Variants in ZYG11A observed in about 807,000 individuals in gnomAD.
ZYG11A encodes the protein zyg-11 family member A, cell cycle regulator.
In ZYG11A, 62 loss-of-function variants were observed where a neutral mutation model predicts 77.2. The ratio of observed to expected loss-of-function variants is 0.80; its 90% CI spans 0.65 to 0.99. ZYG11A has a LOEUF of 0.99. Among genes scored for constraint, ZYG11A ranks in the 50% least tolerant of loss-of-function variants. The pLI is 0.00. For synonymous variants in ZYG11A, 315 were observed against 324.6 expected (o/e 0.97, Z 0.32); for missense variants, 828 against 896.8 (o/e 0.92, Z 0.98).
In ZYG11A at chr1:52,887,036, A is replaced by G. The variant is rs901313141; in HGVS notation, c.2087A>G (p.His696Arg). 2 of 1,534,346 alleles carry G rather than the reference A, an allele frequency of 1.3e-6. No homozygotes were observed. The highest frequency in any genetic ancestry group is 2.8e-5 in the African/African-American group (2 of 72,596). The change falls in exon 13 of 14, where the codon CAT becomes CGT. Residue 696 changes from histidine to arginine, a missense_variant. Coordinates refer to ENST00000371528, the MANE Select transcript of ZYG11A (RefSeq NM_001004339.3). ...CTCTGGGCACTATGGGCTATGTATC[A>G]TGTCTGCAGTAAAAATCGTATGTAT... ...VQLWALWAMY[H>R]VCSKNPSKYC...
At chr1:52,863,639 A>G (rs1645969231) in intron 4 of ZYG11A, among the ~76,000 whole-genome samples, 1 of 152,204 alleles carries the variant, frequency 6.6e-6, no homozygotes, top group African/African-American at 2.4e-5. Flanking sequence ...GCTTTATGCT[A>G]ACGAGTAGCT....
chr1:52,843,896 CA>C (rs1645509147), intron 1 of ZYG11A, among the ~76,000 whole-genome samples: 1 of 151,990 alleles, frequency 6.6e-6, no homozygotes, highest in African/African-American at 2.4e-5. Flanking sequence ...CCATGTTGGC[CA>C]GGATGGTTTC....
chr1:52,852,687 A>AT (rs747460177), intron 1 of ZYG11A, among the ~76,000 whole-genome samples: 24 of 152,136 alleles, frequency 1.6e-4, no homozygotes, highest in Admixed American at 4.6e-4. Context: ...GGAGAAAGGC[A>AT]TTTTTTGCCT....
chr1:52,881,788 A>G, intron 11 of ZYG11A, 123 bp downstream of exon 11: 1 of 721,620 alleles, frequency 1.4e-6, no homozygotes, highest in Non-Finnish European at 2.1e-6. Flanking sequence ...ACTTATTACT[A>G]ACCCATATCT....
rs1451851545 is a variant in ZYG11A at position 52,867,619 on chromosome 1, C to T, written c.1472C>T (p.Thr491Ile). The T allele has an allele frequency of 1.3e-6, 2 of 1,552,026 alleles. No homozygotes were observed. The highest frequency in any genetic ancestry group is 1.7e-6 in the Non-Finnish European group (2 of 1,147,032). The change falls in exon 7 of 14, where the codon ACC becomes ATC. Residue 491 changes from threonine to isoleucine, a missense_variant. Physicochemically the swap from Thr to Ile is moderately conservative, Grantham distance 89. Coordinates refer to ENST00000371528, the MANE Select transcript of ZYG11A (RefSeq NM_001004339.3). ...PKMQTMAVSV[T>I]SILALQLSPE... is the part of the protein sequence containing the mutation. The stretch of plus-strand genomic sequence containing the variant: ...ATGCAAACAATGGCAGTGAGTGTCA[C>T]CTCTATTCTGGCTCTGCAGGTTTGT...
Position 52,893,019 on chromosome 1 carries a change from A to G in ZYG11A, c.*62A>G. 2 of 1,422,826 alleles carry G rather than the reference A, an allele frequency of 1.4e-6. No homozygotes were observed. The highest frequency in any genetic ancestry group is 1.3e-5 in the South Asian group (1 of 76,642). The allele number at this position is 1,422,826 out of a possible 1,614,324, so 88.1% of individuals were successfully genotyped here. ...TGTCAGGTGTTCTGCCCTGGCAGTAATTGCACATCAGTTGTCATTGGAGTT... is the reference window on the plus strand; with the variant it reads ...TGTCAGGTGTTCTGCCCTGGCAGTAGTTGCACATCAGTTGTCATTGGAGTT... On this transcript the variant is annotated 3_prime_UTR_variant, in exon 14 of 14. Transcript: ENST00000371528.
At chr1:52,847,877 TTTA>T (rs1229096410) in intron 1 of ZYG11A, among the ~76,000 whole-genome samples, 44 of 48,640 alleles carry the variant, frequency 9.0e-4, no homozygotes, top group South Asian at 3.8e-3. Context: ...TATTTATTTA[TTTA>T]TTTTTTTGAG....
chr1:52,867,483 G>A, intron 6 of ZYG11A, 56 bp from the exon 7 acceptor site: 1 of 1,144,580 alleles, frequency 8.7e-7, no homozygotes, highest in Non-Finnish European at 1.3e-6. Context: ...GATTTCTTCT[G>A]TGTAGTTTCA....
At chr1:52,852,986 G>A (rs776174270) in intron 1 of ZYG11A, among the ~76,000 whole-genome samples, 1 of 152,226 alleles carries the variant, frequency 6.6e-6, no homozygotes, top group Non-Finnish European at 1.5e-5. Context: ...CCTGAAGAAT[G>A]TTTGAAGCAT....
At chr1:52,847,509 ATTTT>A (rs34348785) in intron 1 of ZYG11A, among the ~76,000 whole-genome samples, 1 of 145,168 alleles carries the variant, frequency 6.9e-6, no homozygotes, top group Non-Finnish European at 1.5e-5. Flanking sequence ...CCAGCCTGTC[ATTTT>A]TTTTTTTTTT....
intron 4 of ZYG11A, among the ~76,000 whole-genome samples, chr1:52,863,493 G>C (rs960875662): frequency 6.6e-6 from 1 of 151,962 alleles, no homozygotes; most frequent in East Asian, 1.9e-4. Context: ...CTCTCAATGA[G>C]TTCTTCTGAT....
At position 52,894,571 on chromosome 1, in the gene ZYG11A, C is replaced by T. The variant is rs1646594588; in HGVS notation, c.*1614C>T. The T allele has an allele frequency of 6.6e-6, 1 of 152,166 alleles. No individual in the cohort carries two copies. Among genetic ancestry groups the T allele is most frequent in the Non-Finnish European group, 1.5e-5 (1 of 68,026 alleles). The allele number at this position is 152,166 out of a possible 1,614,324, so 9.4% of individuals were successfully genotyped here. On this transcript the variant is annotated 3_prime_UTR_variant, in exon 14 of 14. Transcript: ENST00000371528. ...AAATAAAAGTAAATTTCTGTTAGCA[C>T]ATTTTAGGATTAGATTTTTGTGCTT...
intron 4 of ZYG11A, among the ~76,000 whole-genome samples, chr1:52,862,047 A>AAAAATACAAAAATTAGCCAGGCGTGGTGG (rs1436239556): frequency 6.6e-6 from 1 of 151,858 alleles, no homozygotes; most frequent in Non-Finnish European, 1.5e-5. Flanking sequence ...CGTCTCTACT[A>AAAAATACAAAAATTAGCCAGGCGTGGTGG]AAAATACAAA....
chr1:52,867,052 A>G (rs1646039881), intron 6 of ZYG11A, among the ~76,000 whole-genome samples: 1 of 152,176 alleles, frequency 6.6e-6, no homozygotes, highest in South Asian at 2.1e-4. Flanking sequence ...AGTCTCTCAG[A>G]TTCACAAGTT....
At chr1:52,863,865 T>G in intron 4 of ZYG11A, 116 bp from the exon 5 acceptor site, 1 of 904,190 alleles carries the variant, frequency 1.1e-6, no homozygotes, top group South Asian at 1.8e-5. Flanking sequence ...ATGCTTAGGA[T>G]AGGGAAAATC....
At chr1:52,881,941 T>TG (rs1241891862) in intron 11 of ZYG11A, among the ~76,000 whole-genome samples, 1 of 150,292 alleles carries the variant, frequency 6.7e-6, no homozygotes, top group African/African-American at 2.5e-5. Flanking sequence ...TCTCCCAGGG[T>TG]GGAGCACAGT....
rs1646052687 is a variant in ZYG11A, at chr1:52,867,725, A to C, written c.1492-2A>C. 1 of 1,551,470 alleles carries C rather than the reference A, an allele frequency of 6.4e-7. No individual in the cohort carries two copies. The highest frequency in any genetic ancestry group is 1.4e-5 in the African/African-American group (1 of 73,034). On this transcript the variant is annotated splice_acceptor_variant, in intron 7 of 13. Coordinates refer to ENST00000371528, the MANE Select transcript of ZYG11A (RefSeq NM_001004339.3). LOFTEE classifies it high-confidence loss of function. ...CACTTGAGCCTTTCTGTTTGCTTAT[A>C]GCTCTCACCTGAGCAAACGGCACAG... is the stretch of plus-strand genomic sequence containing the variant.
intron 6 of ZYG11A, among the ~76,000 whole-genome samples, chr1:52,866,808 A>C (rs902190689): frequency 8.5e-5 from 13 of 152,184 alleles, no homozygotes; most frequent in Non-Finnish European, 1.5e-4. Flanking sequence ...TAGCCCTTCC[A>C]TTATCTTTGC....
intron 4 of ZYG11A, 43 bp downstream of exon 4, chr1:52,860,914 G>A (rs1557437836): frequency 3.3e-6 from 5 of 1,525,562 alleles, no homozygotes; most frequent in Non-Finnish European, 4.4e-6. Context: ...TCTTAACTTG[G>A]TTCAATTAAT....
Sources: gnomAD v4.1 joint callset for allele counts (sites outside exome capture counted in the v4.1 genomes callset) on GRCh38, gnomAD v4.1.1 for gene constraint, MANE v1.5 for transcripts, NCBI Gene and HGNC (gene_info 2026-07-23, HGNC 2026-07-21) for gene names.